Variants in EML4 observed in about 807,000 individuals in gnomAD.
EML4 encodes EMAP like 4.
Under a neutral mutation model 129.0 loss-of-function variants are expected in EML4, and 72 were observed. The observed-to-expected ratio is 0.56, with a 90% CI of 0.46 to 0.68. The LOEUF (loss-of-function observed/expected upper bound fraction) is 0.68, where lower values mean the gene tolerates loss of function less well. Among genes scored for constraint, EML4 ranks in the 30% least tolerant of loss-of-function variants. The pLI is 0.00. For synonymous variants in EML4, 532 were observed against 405.0 expected, an observed-to-expected ratio of 1.31 and a Z score of -3.77; for missense variants, 1,363 against 1,190.6, an observed-to-expected ratio of 1.14 and a Z score of -2.13.
chr2:42,203,272 G>A (rs750524614), intron 1 of EML4, among the ~76,000 whole-genome samples: 2 of 152,064 alleles, frequency 1.3e-5, no homozygotes, highest in Non-Finnish European at 2.9e-5. Flanking sequence ...GTATATGAAG[G>A]TAAGTTTGGT....
intron 4 of EML4, among the ~76,000 whole-genome samples, chr2:42,262,181 A>G (rs1416278688): frequency 2.0e-5 from 3 of 152,138 alleles, no homozygotes; most frequent in Admixed American, 6.6e-5. Flanking sequence ...TTTTTATTTG[A>G]TCAATTTAAT....
intron 1 of EML4, among the ~76,000 whole-genome samples, chr2:42,202,649 A>G (rs977095351): frequency 6.6e-6 from 1 of 152,164 alleles, no homozygotes; most frequent in Non-Finnish European, 1.5e-5. Flanking sequence ...CCAGAAGACT[A>G]CATCAGTCTA....
intron 1 of EML4, among the ~76,000 whole-genome samples, chr2:42,190,061 T>G (rs1378183812): frequency 1.3e-5 from 2 of 152,058 alleles, no homozygotes; most frequent in East Asian, 3.8e-4. Flanking sequence ...TGATTTTAAA[T>G]TTAGAAATGC....
intron 1 of EML4, among the ~76,000 whole-genome samples, chr2:42,176,952 C>G (rs762057523): frequency 2.6e-5 from 4 of 152,070 alleles, no homozygotes; most frequent in Non-Finnish European, 5.9e-5. Flanking sequence ...TGCCACCACA[C>G]CCAGCTAATT....
At chr2:42,180,797 T>G (rs1218957422) in intron 1 of EML4, among the ~76,000 whole-genome samples, 3 of 152,244 alleles carry the variant, frequency 2.0e-5, no homozygotes, top group African/African-American at 7.2e-5. Flanking sequence ...TAATGTCTTT[T>G]ATAGCAAAAA....
At chr2:42,199,246 A>G (rs904159265) in intron 1 of EML4, among the ~76,000 whole-genome samples, 8 of 152,196 alleles carry the variant, frequency 5.3e-5, no homozygotes, top group African/African-American at 1.7e-4. Flanking sequence ...GTGGTTATAG[A>G]GGTGGATTAT....
intron 3 of EML4, among the ~76,000 whole-genome samples, chr2:42,258,331 T>A (rs1008924100): frequency 2.6e-5 from 4 of 152,036 alleles, no homozygotes; most frequent in African/African-American, 9.7e-5. Flanking sequence ...CTCAGTTTTT[T>A]AATTTCAGAG....
rs202190278 is a variant in EML4 at position 42,243,659 on chromosome 2, C to CA, written c.26-1843dup. Among the ~76,000 whole-genome samples, 974 of 152,204 alleles carry CA rather than the reference C, an allele frequency of 6.4e-3. 6 individuals are homozygous for CA. The highest frequency in any genetic ancestry group is 0.022 in the African/African-American group (921 of 41,508). Reference sequence around the variant, plus strand: ...AACTTTTCCTTCAATATCTACGTCTCAAAGATAAGACTGTCAGTGAAATAC... The same window carrying CA: ...AACTTTTCCTTCAATATCTACGTCTCAAAAGATAAGACTGTCAGTGAAATAC... On this transcript the variant is annotated intron_variant, in intron 1 of 22. Transcript: ENST00000318522.
At chr2:42,299,935 C>T (rs1410178051) in intron 13 of EML4, among the ~76,000 whole-genome samples, 2 of 152,232 alleles carry the variant, frequency 1.3e-5, no homozygotes, top group African/African-American at 4.8e-5. Context: ...ATCCACCCAC[C>T]TCGGCCTCCC....
chr2:42,273,698 T>C (rs17029500), intron 6 of EML4, among the ~76,000 whole-genome samples: 5,244 of 152,242 alleles, frequency 0.034, 269 homozygotes, highest in African/African-American at 0.11. Flanking sequence ...AGACCCAAGT[T>C]TTATGCTAGC....
intron 2 of EML4, among the ~76,000 whole-genome samples, chr2:42,253,690 A>G (rs1326552354): frequency 6.6e-6 from 1 of 152,204 alleles, no homozygotes; most frequent in African/African-American, 2.4e-5. Flanking sequence ...TTTCAACCCT[A>G]ATTCGAGTTA....
chr2:42,273,945 G>A (rs1317789576), intron 6 of EML4, among the ~76,000 whole-genome samples: 1 of 152,060 alleles, frequency 6.6e-6, no homozygotes, highest in Non-Finnish European at 1.5e-5. Flanking sequence ...GAAAATAACT[G>A]GATCATTAAC....
chr2:42,204,348 C>T (rs538550225), intron 1 of EML4, among the ~76,000 whole-genome samples: 1 of 152,300 alleles, frequency 6.6e-6, no homozygotes, highest in Admixed American at 6.5e-5. Context: ...GTACCTACAG[C>T]TTAATCTCTT....
chr2:42,202,363 G>A (rs1672284299), intron 1 of EML4, among the ~76,000 whole-genome samples: 1 of 152,138 alleles, frequency 6.6e-6, no homozygotes, highest in South Asian at 2.1e-4. Context: ...GTATTAGTCA[G>A]TGTTCTCTAG....
intron 11 of EML4, among the ~76,000 whole-genome samples, chr2:42,291,585 T>C (rs1263287976): frequency 6.6e-6 from 1 of 151,944 alleles, no homozygotes; most frequent in Non-Finnish European, 1.5e-5. Context: ...TGTATTTTTT[T>C]AATAGAGTCA....
rs57963748 is a variant in EML4 at position 42,265,487 on chromosome 2, G to A, written c.667+756G>A. ...ACTCCTGACCTCAAGCAGTCCTCCCGCCTCAGCCCCCCAAAATGCTGGGAT... is the reference window on the plus strand; with the variant it reads ...ACTCCTGACCTCAAGCAGTCCTCCCACCTCAGCCCCCCAAAATGCTGGGAT... On this transcript the variant is annotated intron_variant, in intron 6 of 22. Coordinates refer to ENST00000318522, the MANE Select transcript of EML4 (RefSeq NM_019063.5). Among the ~76,000 whole-genome samples the A allele has an allele frequency of 8.9e-4, 136 of 152,138 alleles. 3 individuals are homozygous for A. In the East Asian group the frequency reaches 0.024, roughly 27 times the overall value.
In EML4 at chr2:42,245,506, T is replaced by C. The variant is rs912694469; in HGVS notation, c.27T>C (p.Asp9=). MDGFAGSL[D]DSISAASTSD... ...TCCATATTTTATTTTATTTTATAGA[T>C]GATAGTATTTCTGCTGCAAGTACTT... Residue 9 remains aspartate, a splice_region_variant and synonymous_variant, in exon 2 of 23, where the codon GAT becomes GAC. Coordinates refer to ENST00000318522, the MANE Select transcript of EML4 (RefSeq NM_019063.5). 1.2e-6 allele frequency: 2 copies of C among 1,604,480 alleles called. No individual in the cohort carries two copies. The highest frequency in any genetic ancestry group is 1.7e-5 in the Admixed American group (1 of 59,602).
intron 5 of EML4, 92 bp downstream of exon 5, chr2:42,263,398 CTTTTTTTTTTTTTTT>C: frequency 4.3e-6 from 1 of 234,584 alleles, no homozygotes; most frequent in South Asian, 3.2e-5. Context: ...TGGTTTGAAT[CTTTTTTTTTTTTTTT>C]TTTTTTTTTT....
intron 1 of EML4, among the ~76,000 whole-genome samples, chr2:42,225,195 G>T (rs1255718393): frequency 6.6e-6 from 1 of 152,062 alleles, no homozygotes; most frequent in Admixed American, 6.5e-5. Flanking sequence ...CTTGGCTGTT[G>T]TTAATAATAC....
Sources: gnomAD v4.1 joint callset for allele counts (sites outside exome capture counted in the v4.1 genomes callset) on GRCh38, gnomAD v4.1.1 for gene constraint, MANE v1.5 for transcripts, NCBI Gene and HGNC (gene_info 2026-07-23, HGNC 2026-07-21) for gene names.